The following CLNK variants were observed in gnomAD, a reference collection of about 807,000 sequenced individuals.
CLNK encodes the protein cytokine-dependent hematopoietic cell linker.
A neutral mutation model predicts 68.6 loss-of-function variants in CLNK; 74 were observed. The ratio of observed to expected loss-of-function variants is 1.08; its 90% confidence interval spans 0.89 to 1.31. The LOEUF (loss-of-function observed/expected upper bound fraction) is 1.31, where lower values mean the gene tolerates loss of function less well. Among genes scored for constraint, CLNK ranks in the 50% most tolerant of loss-of-function variants. The pLI is 0.00. For missense variants in CLNK, 553 were observed against 515.3 expected, an observed-to-expected ratio of 1.07 and a Z score of -0.71; for synonymous variants, 198 against 172.2, an observed-to-expected ratio of 1.15 and a Z score of -1.17.
the CLNK span, among the ~76,000 whole-genome samples, chr4:10,716,043 G>GA: frequency 4.6e-5 from 7 of 152,200 alleles, no homozygotes; most frequent in Non-Finnish European, 2.9e-5. Flanking sequence ...AACGAAGGCT[G>GA]AACATGCAAG....
At position 10,528,096 on chromosome 4, in the gene CLNK, T is replaced by A; in HGVS notation, c.631-2A>T. The A allele has an allele frequency of 7.6e-7, 1 of 1,317,214 alleles. No homozygotes were observed. Among genetic ancestry groups the A allele is most frequent in the Non-Finnish European group, 9.9e-7 (1 of 1,008,828 alleles). The allele number at this position is 1,317,214 out of a possible 1,614,324, so 81.6% of individuals were successfully genotyped here. A position where few individuals can be genotyped will look rare whatever the true frequency, so the allele number is the denominator to read the frequency against. On this transcript the variant is annotated splice_acceptor_variant, in intron 12 of 18. Transcript: ENST00000226951. LOFTEE classifies it high-confidence loss of function. ...TTCACCTTTTTCTGCTTCAAGGACC[T>A]GTATTGAATTAAAAAAAATAAAATT...
intron 4 of CLNK, among the ~76,000 whole-genome samples, chr4:10,578,268 T>G (rs1467695529): frequency 1.3e-5 from 2 of 152,234 alleles, no homozygotes; most frequent in Non-Finnish European, 2.9e-5. Flanking sequence ...AGATCTATAT[T>G]GAGAACTTGT....
intron 2 of CLNK, among the ~76,000 whole-genome samples, chr4:10,621,306 C>T (rs2108861157): frequency 6.6e-6 from 1 of 152,220 alleles, no homozygotes; most frequent in East Asian, 1.9e-4. Context: ...AGGGCAGGGA[C>T]TGTATTTTAT....
intron 4 of CLNK, among the ~76,000 whole-genome samples, chr4:10,584,451 T>C (rs1249400373): frequency 6.6e-6 from 1 of 152,180 alleles, no homozygotes; most frequent in Non-Finnish European, 1.5e-5. Context: ...CAAACTTTAA[T>C]GGGCTCCTGT....
intron 17 of CLNK, 37 bp from the exon 18 acceptor site, chr4:10,501,448 C>G: frequency 1.9e-6 from 3 of 1,589,018 alleles, no homozygotes; most frequent in Non-Finnish European, 2.6e-6. Context: ...TTTTCAGACA[C>G]GCCAGCATTC....
intron 3 of CLNK, among the ~76,000 whole-genome samples, chr4:10,596,821 T>C (rs967268122): frequency 1.3e-5 from 2 of 152,204 alleles, no homozygotes; most frequent in Non-Finnish European, 2.9e-5. Flanking sequence ...CTGTCTGTCT[T>C]TTTTCCTCCA....
chr4:10,513,832 A>AAATT (rs1553845612), intron 15 of CLNK, among the ~76,000 whole-genome samples: 2 of 145,616 alleles, frequency 1.4e-5, no homozygotes, highest in African/African-American at 5.0e-5. Flanking sequence ...TTTTTTTTTA[A>AAATT]ATTATTATTA....
At chr4:10,569,286 T>C (rs897863703) in intron 5 of CLNK, among the ~76,000 whole-genome samples, 1 of 146,188 alleles carries the variant, frequency 6.8e-6, no homozygotes, top group Admixed American at 7.1e-5. Flanking sequence ...GAGGGTGGGG[T>C]TCTTATCTGA....
At chr4:10,619,323 G>A (rs954255145) in intron 2 of CLNK, among the ~76,000 whole-genome samples, 2 of 152,186 alleles carry the variant, frequency 1.3e-5, no homozygotes, top group East Asian at 3.9e-4. Flanking sequence ...GGTTTCAGGA[G>A]CTTTGTGTTT....
At chr4:10,570,404 A>G (rs1239087769) in intron 5 of CLNK, among the ~76,000 whole-genome samples, 1 of 152,156 alleles carries the variant, frequency 6.6e-6, no homozygotes, top group Non-Finnish European at 1.5e-5. Flanking sequence ...AGAGAGAGAG[A>G]GGAAGAGAGA....
rs147815095 is a variant in CLNK, at chr4:10,643,015, G to T, written c.11+24844C>A. On this transcript the variant is annotated intron_variant, in intron 2 of 18. Coordinates refer to ENST00000226951, the MANE Select transcript of CLNK (RefSeq NM_052964.4). ...CTATATATACGCACACATACAGACA[G>T]ACAGACAAATGGAAAAATAGACATG... Among the ~76,000 whole-genome samples the T allele has an allele frequency of 3.9e-5, 6 of 152,266 alleles. No individual in the cohort carries two copies. The East Asian group carries it at 7.7e-4, about 20-fold the overall frequency.
At chr4:10,638,750 A>G (rs1288644473) in intron 2 of CLNK, among the ~76,000 whole-genome samples, 1 of 152,202 alleles carries the variant, frequency 6.6e-6, no homozygotes, top group Admixed American at 6.5e-5. Context: ...AGAGAACCAC[A>G]GACTGGGTGG....
intron 1 of CLNK, among the ~76,000 whole-genome samples, chr4:10,672,120 A>G (rs1043558848): frequency 1.2e-4 from 18 of 152,198 alleles, no homozygotes; most frequent in Admixed American, 9.8e-4. Flanking sequence ...CTAACAATCA[A>G]TAGGCAATGT....
At chr4:10,541,694 G>T (rs7688620) in intron 10 of CLNK, among the ~76,000 whole-genome samples, 1 of 151,770 alleles carries the variant, frequency 6.6e-6, no homozygotes, top group African/African-American at 2.4e-5. Context: ...AGAAGTATAC[G>T]CAGCAATACC....
At chr4:10,638,105 T>C (rs1417029924) in intron 2 of CLNK, among the ~76,000 whole-genome samples, 1 of 152,170 alleles carries the variant, frequency 6.6e-6, no homozygotes, top group African/African-American at 2.4e-5. Flanking sequence ...CCCCGAACTG[T>C]ACCATGTTTT....
chr4:10,672,291 C>T (rs1223526846), intron 1 of CLNK, among the ~76,000 whole-genome samples: 5 of 152,170 alleles, frequency 3.3e-5, no homozygotes, highest in Non-Finnish European at 7.3e-5. Context: ...TTTGCGTTCT[C>T]TGGATCTGTG....
the CLNK span, among the ~76,000 whole-genome samples, chr4:10,734,085 G>C: frequency 6.6e-6 from 1 of 152,188 alleles, no homozygotes; most frequent in African/African-American, 2.4e-5. Flanking sequence ...CTGCACTTCT[G>C]TGAGGTTTAT....
chr4:10,619,172 A>ATG (rs1397462446), intron 2 of CLNK, among the ~76,000 whole-genome samples: 2 of 152,204 alleles, frequency 1.3e-5, no homozygotes, highest in Non-Finnish European at 2.9e-5. Context: ...CTATACTTGC[A>ATG]GGTAGGCGAA....
chr4:10,713,182 G>A, the CLNK span, among the ~76,000 whole-genome samples: 9 of 152,308 alleles, frequency 5.9e-5, no homozygotes, highest in African/African-American at 2.2e-4. Context: ...GACTGTAAAA[G>A]TGGTGGTCAC....
Sources: gnomAD v4.1 joint callset for allele counts (sites outside exome capture counted in the v4.1 genomes callset) on GRCh38, gnomAD v4.1.1 for gene constraint, MANE v1.5 for transcripts, NCBI Gene and HGNC (gene_info 2026-07-23, HGNC 2026-07-21) for gene names.